CTSH: variants seen among roughly 807,000 people sequenced by gnomAD.
CTSH encodes cathepsin H.
In CTSH, 52 loss-of-function variants were observed where a neutral mutation model predicts 56.3. That is an observed-to-expected ratio of 0.92 (90% CI 0.74 to 1.16). The LOEUF (loss-of-function observed/expected upper bound fraction) is 1.16. Among genes scored for constraint, CTSH ranks in the 50% most tolerant of loss-of-function variants. The pLI is 0.00. For missense variants in CTSH, 406 were observed against 424.5 expected (o/e 0.96, Z 0.38); for synonymous variants, 174 against 155.7 (o/e 1.12, Z -0.88).
chr15:78,933,469 C>G (rs967771011), intron 5 of CTSH: 2 of 404,824 alleles, frequency 4.9e-6, no homozygotes, highest in Non-Finnish European at 9.5e-6. Context: ...TCTGAAATGT[C>G]TCTTAAGTCC....
chr15:78,925,315 T>C lies in CTSH; in HGVS notation c.806+19A>G, dbSNP rs1479477864. The C allele has an allele frequency of 6.5e-7, 1 of 1,531,138 alleles. No homozygotes were observed. The highest frequency in any genetic ancestry group is 2.2e-5 in the East Asian group (1 of 44,460). The allele number at this position is 1,531,138 out of a possible 1,614,324, so 94.8% of individuals were successfully genotyped here. On this transcript the variant is annotated intron_variant, in intron 10 of 11. Coordinates refer to ENST00000220166, the MANE Select transcript of CTSH (RefSeq NM_004390.5). ...GCCCCTCCCCACTGTCCCTCCTGGCTCCTGGGACCCTGACTCACCTGGAGT... is the reference window on the plus strand; with the variant it reads ...GCCCCTCCCCACTGTCCCTCCTGGCCCCTGGGACCCTGACTCACCTGGAGT...
chr15:78,931,708 G>T, intron 6 of CTSH: 2 of 1,449,984 alleles, frequency 1.4e-6, no homozygotes. Flanking sequence ...CATGTCGGGA[G>T]GGGCTCAGTA....
At chr15:78,944,849 G>C (rs367973477) in intron 1 of CTSH, 42 bp downstream of exon 1, 39 of 1,535,862 alleles carry the variant, frequency 2.5e-5, no homozygotes, top group Admixed American at 4.0e-5. Flanking sequence ...GTCCACTCTA[G>C]GGCCTGCTAG....
chr15:78,940,689 T>C (rs1256132257), intron 1 of CTSH, among the ~76,000 whole-genome samples: 1 of 152,248 alleles, frequency 6.6e-6, no homozygotes, highest in East Asian at 1.9e-4. Context: ...CGGGGTGTGG[T>C]GGCTCACGCC....
intron 9 of CTSH, chr15:78,927,365 C>T: frequency 3.0e-6 from 1 of 336,296 alleles, no homozygotes; most frequent in Non-Finnish European, 5.6e-6. Context: ...GACACACACT[C>T]ACCCTCCTCA....
intron 1 of CTSH, 26 bp from the exon 2 acceptor site, chr15:78,939,197 T>C (rs1469357672): frequency 7.6e-6 from 12 of 1,570,014 alleles, no homozygotes; most frequent in Non-Finnish European, 1.0e-5. Context: ...AAAAATTAGG[T>C]CTGGGCGCAT....
At chr15:78,935,563 A>G in intron 4 of CTSH, 117 bp downstream of exon 4, 2 of 787,358 alleles carry the variant, frequency 2.5e-6, no homozygotes, top group East Asian at 5.2e-5. Flanking sequence ...ATCTGGGGAT[A>G]CCCTCAGCTG....
rs1567343509 is a variant in CTSH, at chr15:78,923,123, A to G, written c.807-5T>C. The stretch of plus-strand genomic sequence containing the variant: ...GGAGTTTTATGGCAGGAAGTACTGG[A>G]AAACAAAATTCAAAAAGAGGTGATC... On this transcript the variant is annotated splice_region_variant and splice_polypyrimidine_tract_variant and intron_variant, in intron 10 of 11. Transcript: ENST00000220166. The G allele has an allele frequency of 6.2e-7, 1 of 1,612,718 alleles. No individual in the cohort carries two copies. Among genetic ancestry groups the G allele is most frequent in the Non-Finnish European group, 8.5e-7 (1 of 1,179,690 alleles).
intron 9 of CTSH, chr15:78,925,806 G>A (rs2054891706): frequency 5.1e-6 from 1 of 197,558 alleles, no homozygotes; most frequent in Non-Finnish European, 1.1e-5. Context: ...GAACACAGGG[G>A]TTATAAACCA....
chr15:78,939,029 G>A, intron 2 of CTSH, 111 bp downstream of exon 2: 1 of 1,006,534 alleles, frequency 9.9e-7, no homozygotes, highest in Non-Finnish European at 1.5e-6. Context: ...GACCCCACTA[G>A]GCAAAGTTGG....
intron 1 of CTSH, among the ~76,000 whole-genome samples, chr15:78,939,483 C>T (rs144857285): frequency 5.3e-5 from 8 of 152,276 alleles, no homozygotes; most frequent in Admixed American, 4.6e-4. Flanking sequence ...TTCAACTGGG[C>T]GCTGGTTAAC....
intron 7 of CTSH, among the ~76,000 whole-genome samples, chr15:78,930,675 T>C (rs947209312): frequency 2.0e-5 from 3 of 152,140 alleles, no homozygotes; most frequent in African/African-American, 7.2e-5. Flanking sequence ...AAGGGGACAC[T>C]GAGCATGATG....
chr15:78,938,528 T>TATGA lies in CTSH; in HGVS notation c.123+611_123+612insTCAT, dbSNP rs2055223730. The stretch of plus-strand genomic sequence containing the variant: ...TGAGAACATGTAATATTTGCCTTTC[T>TATGA]ATGCTTGGCTTATTTCACTAAACAT... On this transcript the variant is annotated intron_variant, in intron 2 of 11. Transcript: ENST00000220166. Among the ~76,000 whole-genome samples the TATGA allele has an allele frequency of 2.0e-5, 3 of 152,348 alleles. No homozygotes were observed. In the South Asian group the frequency reaches 6.2e-4, roughly 32 times the overall value.
rs2054942605 is a variant in CTSH, at chr15:78,927,716, T to G, written c.696A>C (p.Thr232=). Residue 232 remains threonine, a synonymous_variant, in exon 9 of 12, where the codon ACA becomes ACC. Coordinates refer to ENST00000220166, the MANE Select transcript of CTSH (RefSeq NM_004390.5). ...CCAGAGGGGGATCGGCACTCACGAT[T>G]GTGATGTTGGCTACATCCTTGACAA... The part of the protein sequence containing the change: ...IGFVKDVANI[T]IYDEEAMVEA... 6.2e-7 allele frequency: 1 copy of G among 1,614,032 alleles called. No individual in the cohort carries two copies. Among genetic ancestry groups the G allele is most frequent in the South Asian group, 1.1e-5 (1 of 91,086 alleles).
chr15:78,932,877 A>G (rs1044895830), intron 5 of CTSH, among the ~76,000 whole-genome samples: 2 of 151,772 alleles, frequency 1.3e-5, no homozygotes, highest in Non-Finnish European at 2.9e-5. Flanking sequence ...TCTTTTCCCT[A>G]CTGGTTCCCT....
In CTSH at chr15:78,925,405, G is replaced by C. The variant is rs1161551701; in HGVS notation, c.735C>G (p.Leu245=). The C allele has an allele frequency of 5.0e-6, 8 of 1,613,966 alleles. No homozygotes were observed. The highest frequency in any genetic ancestry group is 5.9e-6 in the Non-Finnish European group (7 of 1,179,846). ...DEEAMVEAVA[L]YNPVSFAFEV... ...CAAAGGCAAAGCTCACAGGGTTGTA[G>C]AGGGCCACAGCCTCCACCATCGCTT... Residue 245 remains leucine (L), a synonymous_variant, in exon 10 of 12, where the codon CTC becomes CTG. Coordinates refer to ENST00000220166, the MANE Select transcript of CTSH (RefSeq NM_004390.5).
At chr15:78,933,874 C>T (rs1189383029) in intron 5 of CTSH, among the ~76,000 whole-genome samples, 2 of 152,220 alleles carry the variant, frequency 1.3e-5, no homozygotes, top group African/African-American at 2.4e-5. Context: ...AGACGGCACA[C>T]ATCTGCGTCA....
chr15:78,934,969 C>A lies in CTSH; in HGVS notation c.405+9G>T, dbSNP rs1201626101. On this transcript the variant is annotated intron_variant, in intron 5 of 11. Coordinates refer to ENST00000220166, the MANE Select transcript of CTSH (RefSeq NM_004390.5). ...TTTGCAGGGAGAGGATGGAGATTGC[C>A]AGGCATACCTGATTTTTCACAGGTG... 2 of 1,589,810 alleles carry A rather than the reference C, an allele frequency of 1.3e-6. No individual in the cohort carries two copies. The highest frequency in any genetic ancestry group is 1.7e-6 in the Non-Finnish European group (2 of 1,157,828).
intron 7 of CTSH, among the ~76,000 whole-genome samples, chr15:78,931,246 C>A (rs536394982): frequency 1.0e-3 from 153 of 152,288 alleles, no homozygotes; most frequent in African/African-American, 3.3e-3. Flanking sequence ...AGGACAGAGG[C>A]CTGGACTCAG....
Sources: allele counts gnomAD v4.1 joint callset (sites outside exome capture counted in the v4.1 genomes callset), GRCh38; gene constraint gnomAD v4.1.1; transcripts MANE v1.5; gene names NCBI Gene and HGNC (gene_info 2026-07-23, HGNC 2026-07-21).